The following HMGXB4 variants were observed in gnomAD, a reference collection of about 807,000 sequenced individuals.
HMGXB4 encodes the protein HMG-box containing 4.
In HMGXB4, 27 loss-of-function variants were observed where a neutral mutation model predicts 63.9. That is an observed-to-expected ratio of 0.42 (90% CI 0.31 to 0.58). The LOEUF (loss-of-function observed/expected upper bound fraction) is 0.58. HMGXB4 is among the 20% of genes least tolerant of loss of function. The pLI is 0.13. For synonymous variants in HMGXB4, 264 were observed against 265.3 expected (o/e 0.99, Z 0.05); for missense variants, 624 against 700.7 (o/e 0.89, Z 1.24).
intron 5 of HMGXB4, among the ~76,000 whole-genome samples, chr22:35,282,216 G>A (rs1405578677): frequency 3.3e-5 from 5 of 152,000 alleles, no homozygotes; most frequent in Non-Finnish European, 5.9e-5. Context: ...TCGCTCTGTC[G>A]CCCAGGCTGG....
chr22:35,268,975 T>C (rs1214829690), intron 5 of HMGXB4, among the ~76,000 whole-genome samples: 1 of 152,204 alleles, frequency 6.6e-6, no homozygotes, highest in Admixed American at 6.5e-5. Context: ...TAAACTCCCA[T>C]ATTACCTTGC....
chr22:35,279,400 A>G (rs1382286082), intron 5 of HMGXB4, among the ~76,000 whole-genome samples: 5 of 151,890 alleles, frequency 3.3e-5, no homozygotes, highest in Admixed American at 3.3e-4. Flanking sequence ...CGGCCTCCCA[A>G]AGTGCTGGGA....
chr22:35,254,738 A>G (rs1461529216), upstream of HMGXB4, among the ~76,000 whole-genome samples: 8 of 152,234 alleles, frequency 5.3e-5, no homozygotes, highest in Non-Finnish European at 1.2e-4. Flanking sequence ...TGTGTTTTCA[A>G]TAAATATCTG....
In HMGXB4 at chr22:35,287,363, C is replaced by T; in HGVS notation, c.1379C>T (p.Ala460Val). ...TGATTGCAGATTTGGAAGCAAAAAGCTCAGTATCTGCAGCACAAACAGAAC... is the reference window on the plus strand; with the variant it reads ...TGATTGCAGATTTGGAAGCAAAAAGTTCAGTATCTGCAGCACAAACAGAAC... ...EKDKLIWKQK[A>V]QYLQHKQNKA... Residue 460 changes from alanine (A) to valine (V), a missense_variant, in exon 8 of 11, where the codon GCT (alanine) becomes GTT (valine). Coordinates refer to ENST00000216106, the MANE Select transcript of HMGXB4 (RefSeq NM_001003681.3). 1.2e-6 allele frequency: 2 copies of T among 1,612,880 alleles called. No homozygotes were observed. The highest frequency in any genetic ancestry group is 2.2e-5 in the East Asian group (1 of 44,850).
intron 9 of HMGXB4, among the ~76,000 whole-genome samples, chr22:35,290,506 G>T (rs1416768406): frequency 6.6e-6 from 1 of 151,872 alleles, no homozygotes; most frequent in Non-Finnish European, 1.5e-5. Context: ...TTAGCTGGGC[G>T]TGGTGGCGGG....
intron 5 of HMGXB4, among the ~76,000 whole-genome samples, 159 bp from the exon 6 acceptor site, chr22:35,283,803 A>G (rs895897189): frequency 1.5e-4 from 23 of 151,344 alleles, no homozygotes; most frequent in African/African-American, 4.6e-4. Context: ...AAATATATAT[A>G]TATATATTAT....
chr22:35,275,019 C>T (rs1923821898), intron 5 of HMGXB4, among the ~76,000 whole-genome samples: 1 of 150,656 alleles, frequency 6.6e-6, no homozygotes, highest in Admixed American at 6.6e-5. Context: ...ATGGAACTTA[C>T]TTCATAGGGT....
chr22:35,263,747 T>C, intron 3 of HMGXB4, 49 bp from the exon 4 acceptor site: 7 of 1,291,998 alleles, frequency 5.4e-6, no homozygotes, highest in Non-Finnish European at 7.9e-6. Context: ...GGTTACAAAC[T>C]GCATTTGCCT....
chr22:35,253,132 CAAAAAAAAAA>C (rs554912249), upstream of HMGXB4, among the ~76,000 whole-genome samples: 2 of 96,590 alleles, frequency 2.1e-5, no homozygotes, highest in African/African-American at 1.0e-4. Flanking sequence ...AACTCCATCT[CAAAAAAAAAA>C]AAAAAAAAGA....
chr22:35,272,429 TTTTG>T (rs1229939502), intron 5 of HMGXB4, among the ~76,000 whole-genome samples: 1 of 152,076 alleles, frequency 6.6e-6, no homozygotes, highest in Non-Finnish European at 1.5e-5. Context: ...TGGAGGTGGT[TTTTG>T]TTTGGTTGGT....
chr22:35,246,681 C>T, the HMGXB4 span, among the ~76,000 whole-genome samples: 1 of 152,210 alleles, frequency 6.6e-6, no homozygotes, highest in Admixed American at 6.5e-5. Context: ...CCCACTCCTC[C>T]AGCACCCCAT....
chr22:35,277,988 G>A (rs1233606289), intron 5 of HMGXB4, among the ~76,000 whole-genome samples: 1 of 152,110 alleles, frequency 6.6e-6, no homozygotes, highest in Non-Finnish European at 1.5e-5. Context: ...TATTTTCACT[G>A]CCCTAAAAAT....
intron 5 of HMGXB4, among the ~76,000 whole-genome samples, chr22:35,273,058 G>A (rs1187659381): frequency 2.0e-5 from 3 of 152,098 alleles, no homozygotes; most frequent in Admixed American, 6.5e-5. Context: ...CTAATGCCTG[G>A]CACACCCAGA....
chr22:35,287,699 A>G (rs1010368470), intron 8 of HMGXB4, among the ~76,000 whole-genome samples: 1 of 152,118 alleles, frequency 6.6e-6, no homozygotes, highest in African/African-American at 2.4e-5. Flanking sequence ...CTGTAATCCT[A>G]GCACTTTGGG....
At chr22:35,277,920 CT>C (rs1456713968) in intron 5 of HMGXB4, among the ~76,000 whole-genome samples, 8 of 152,114 alleles carry the variant, frequency 5.3e-5, no homozygotes, top group Non-Finnish European at 1.0e-4. Flanking sequence ...ATTGTCCATT[CT>C]GTGGGTTTGG....
upstream of HMGXB4, among the ~76,000 whole-genome samples, chr22:35,257,265 C>CA (rs1448498553): frequency 6.6e-6 from 1 of 152,330 alleles, no homozygotes; most frequent in East Asian, 1.9e-4. Flanking sequence ...TTCTCTTCTG[C>CA]AAAATGCGAC....
chr22:35,269,686 T>TA (rs1198104841), intron 5 of HMGXB4, among the ~76,000 whole-genome samples: 3 of 152,148 alleles, frequency 2.0e-5, no homozygotes, highest in African/African-American at 4.8e-5. Flanking sequence ...AATAAAATGA[T>TA]AGAGTTGTAC....
At chr22:35,292,149 T>A (rs1397406762) in intron 9 of HMGXB4, among the ~76,000 whole-genome samples, 1 of 152,200 alleles carries the variant, frequency 6.6e-6, no homozygotes, top group Non-Finnish European at 1.5e-5. Context: ...GTAGTAATAT[T>A]CATAATTACT....
upstream of HMGXB4, among the ~76,000 whole-genome samples, chr22:35,253,577 T>G (rs1922275983): frequency 6.6e-6 from 1 of 151,782 alleles, no homozygotes; most frequent in African/African-American, 2.4e-5. Context: ...CCCAGCCAAT[T>G]GGAGTTCTTC....
Sources: allele counts gnomAD v4.1 joint callset (sites outside exome capture counted in the v4.1 genomes callset), GRCh38; gene constraint gnomAD v4.1.1; transcripts MANE v1.5; gene names NCBI Gene and HGNC (gene_info 2026-07-23, HGNC 2026-07-21).